ZNF385D: variants seen among roughly 807,000 people sequenced by gnomAD.
The protein encoded by ZNF385D is zinc finger protein 659.
In ZNF385D, 15 loss-of-function variants were observed where a neutral mutation model predicts 35.8. That is an observed-to-expected ratio of 0.42 (90% CI 0.28 to 0.64). The LOEUF (loss-of-function observed/expected upper bound fraction) is 0.64, where lower values mean the gene tolerates loss of function less well. ZNF385D is among the 30% of genes least tolerant of loss of function. ZNF385D has a pLI of 0.23. For synonymous variants in ZNF385D, 212 were observed against 186.8 expected (o/e 1.13, Z -1.10); for missense variants, 474 against 494.6 (o/e 0.96, Z 0.39).
At chr3:21,900,080 C>T (rs1184747339) in intron 3 of ZNF385D, among the ~76,000 whole-genome samples, 1 of 151,990 alleles carries the variant, frequency 6.6e-6, no homozygotes, top group African/African-American at 2.4e-5. Flanking sequence ...AGGTTATTTA[C>T]AAAACAAGAA....
chr3:22,149,111 C>G (rs1366748422), intron 3 of ZNF385D, among the ~76,000 whole-genome samples: 1 of 152,132 alleles, frequency 6.6e-6, no homozygotes, highest in African/African-American at 2.4e-5. Flanking sequence ...AATGCAGGAT[C>G]TCATACGCAA....
chr3:21,580,891 T>C (rs892814835), intron 2 of ZNF385D, among the ~76,000 whole-genome samples: 5 of 152,156 alleles, frequency 3.3e-5, no homozygotes, highest in Non-Finnish European at 7.4e-5. Flanking sequence ...AAAAGGTCCC[T>C]TCAATGCTTG....
At chr3:21,425,218 G>A (rs138358966) in intron 6 of ZNF385D, among the ~76,000 whole-genome samples, 87 of 152,272 alleles carry the variant, frequency 5.7e-4, no homozygotes, top group African/African-American at 1.9e-3. Flanking sequence ...CCCACTCTTC[G>A]TATACAAGAA....
rs1048528791 is a variant in ZNF385D at position 21,458,841 on chromosome 3, G to A, written c.440-21638C>T. 1.3e-4 allele frequency among the ~76,000 whole-genome samples: 19 copies of A among 151,912 alleles called. No individual in the cohort carries two copies. The East Asian group carries it at 2.9e-3, about 23-fold the overall frequency. On this transcript the variant is annotated intron_variant, in intron 4 of 7. Coordinates refer to ENST00000281523, the MANE Select transcript of ZNF385D (RefSeq NM_024697.3). ...GGGGGGCGGGACTGATGATGAGTAT[G>A]TGGTTTCTTTAGGGGGTTCTAAACT...
intron 3 of ZNF385D, among the ~76,000 whole-genome samples, chr3:22,037,272 C>T (rs909829663): frequency 3.0e-5 from 4 of 135,050 alleles, no homozygotes; most frequent in African/African-American, 7.7e-5. Context: ...TTCTAGATCC[C>T]TGAGGAATCA....
chr3:21,956,583 A>G (rs1486090747), intron 3 of ZNF385D, among the ~76,000 whole-genome samples: 2 of 152,042 alleles, frequency 1.3e-5, no homozygotes, highest in Non-Finnish European at 2.9e-5. Context: ...ACAGAGTGAC[A>G]TATTTAAAAC....
intron 3 of ZNF385D, among the ~76,000 whole-genome samples, chr3:22,114,475 C>G (rs1200780995): frequency 1.3e-5 from 2 of 151,840 alleles, no homozygotes; most frequent in Non-Finnish European, 2.9e-5. Flanking sequence ...AAGATAATGA[C>G]TAGAGTAGTG....
intron 4 of ZNF385D, among the ~76,000 whole-genome samples, chr3:21,453,591 T>C (rs1702601516): frequency 6.6e-6 from 1 of 151,970 alleles, no homozygotes; most frequent in Admixed American, 6.6e-5. Flanking sequence ...GGTGTATAAA[T>C]GATCCAATAC....
chr3:22,245,649 C>T (rs186277330), intron 2 of ZNF385D, among the ~76,000 whole-genome samples: 9 of 149,360 alleles, frequency 6.0e-5, no homozygotes, highest in Non-Finnish European at 8.9e-5. Flanking sequence ...AGACAATAGA[C>T]GGGTGTGTGC....
At chr3:21,921,210 G>A (rs1011158010) in intron 3 of ZNF385D, among the ~76,000 whole-genome samples, 50 of 114,306 alleles carry the variant, frequency 4.4e-4, no homozygotes, top group Admixed American at 2.6e-3. Context: ...GCGACAGAGC[G>A]AGACTCCATC....
chr3:22,322,520 G>T (rs530691968), intron 2 of ZNF385D, among the ~76,000 whole-genome samples: 216 of 152,236 alleles, frequency 1.4e-3, no homozygotes, highest in African/African-American at 4.9e-3. Flanking sequence ...TAGACATCAA[G>T]AATTTTACCA....
intron 2 of ZNF385D, among the ~76,000 whole-genome samples, chr3:22,220,493 C>A (rs762906794): frequency 1.3e-5 from 2 of 152,164 alleles, no homozygotes; most frequent in Non-Finnish European, 2.9e-5. Flanking sequence ...TCAGTGGAAC[C>A]TATTTCCCAC....
At chr3:22,149,868 G>A (rs1705107806) in intron 3 of ZNF385D, among the ~76,000 whole-genome samples, 1 of 152,154 alleles carries the variant, frequency 6.6e-6, no homozygotes, top group South Asian at 2.1e-4. Context: ...TCAGTGCTAA[G>A]TATCAATGGG....
At chr3:21,464,205 A>G (rs1351611884) in intron 4 of ZNF385D, among the ~76,000 whole-genome samples, 1 of 152,208 alleles carries the variant, frequency 6.6e-6, no homozygotes, top group African/African-American at 2.4e-5. Context: ...AGATTTCATC[A>G]TAATTTTATA....
chr3:22,259,612 C>T (rs984832170), intron 2 of ZNF385D, among the ~76,000 whole-genome samples: 20 of 152,022 alleles, frequency 1.3e-4, no homozygotes, highest in East Asian at 9.7e-4. Context: ...ATGTTTAATT[C>T]AAGTTTTGAG....
chr3:21,687,144 A>G (rs766356874), intron 1 of ZNF385D, among the ~76,000 whole-genome samples: 6 of 152,166 alleles, frequency 3.9e-5, no homozygotes, highest in Non-Finnish European at 7.3e-5. Flanking sequence ...ATACAAACGG[A>G]GAACCCAGAT....
chr3:22,247,628 T>TTTATTTAC (rs1232598885), intron 2 of ZNF385D, among the ~76,000 whole-genome samples: 3 of 151,544 alleles, frequency 2.0e-5, no homozygotes, highest in Non-Finnish European at 4.4e-5. Flanking sequence ...TATTTATTTA[T>TTTATTTAC]TTATTTATTT....
intron 2 of ZNF385D, among the ~76,000 whole-genome samples, chr3:22,363,388 AG>A (rs1696506635): frequency 6.6e-6 from 1 of 152,120 alleles, no homozygotes; most frequent in South Asian, 2.1e-4. Context: ...ATTGTCTAAG[AG>A]GTATGTGGCC....
At chr3:21,716,551 A>G (rs2068325896) in intron 1 of ZNF385D, among the ~76,000 whole-genome samples, 1 of 151,994 alleles carries the variant, frequency 6.6e-6, no homozygotes, top group Non-Finnish European at 1.5e-5. Context: ...TGTGCCTGGG[A>G]TGATGTTTTG....
Sources: allele counts gnomAD v4.1 joint callset (sites outside exome capture counted in the v4.1 genomes callset), GRCh38; gene constraint gnomAD v4.1.1; transcripts MANE v1.5; gene names NCBI Gene and HGNC (gene_info 2026-07-23, HGNC 2026-07-21).